The following SLC24A2 variants were observed in gnomAD, a reference collection of about 807,000 sequenced individuals.
SLC24A2 encodes the protein sodium/potassium/calcium exchanger 2.
In SLC24A2, 36 loss-of-function variants were observed where a neutral mutation model predicts 62.0. The observed-to-expected ratio is 0.58, with a 90% CI of 0.44 to 0.77. The LOEUF (loss-of-function observed/expected upper bound fraction) is 0.77, where lower values mean the gene tolerates loss of function less well. Among genes scored for constraint, SLC24A2 ranks in the 30% least tolerant of loss-of-function variants. The pLI is 0.00. For synonymous variants in SLC24A2, 358 were observed against 294.0 expected (o/e 1.22, Z -2.23); for missense variants, 846 against 817.9 (o/e 1.03, Z -0.42).
intron 2 of SLC24A2, among the ~76,000 whole-genome samples, chr9:19,682,048 T>C (rs1013307946): frequency 9.2e-5 from 14 of 152,180 alleles, no homozygotes; most frequent in Non-Finnish European, 1.5e-4. Context: ...TGATTTTACG[T>C]TGACATTTCT....
the SLC24A2 span, among the ~76,000 whole-genome samples, chr9:19,917,200 G>C: frequency 6.6e-6 from 1 of 150,848 alleles, no homozygotes; most frequent in Non-Finnish European, 1.5e-5. Flanking sequence ...GTTTTGTTTT[G>C]ATCTCACATA....
intron 8 of SLC24A2, among the ~76,000 whole-genome samples, chr9:19,529,663 A>C (rs984927839): frequency 1.4e-4 from 22 of 152,088 alleles, no homozygotes; most frequent in African/African-American, 4.6e-4. Flanking sequence ...ACAAGGACTC[A>C]GACCCCTCCT....
the SLC24A2 span, among the ~76,000 whole-genome samples, chr9:19,995,120 A>C: frequency 6.6e-6 from 1 of 151,710 alleles, no homozygotes; most frequent in Non-Finnish European, 1.5e-5. Context: ...ATTTCCCTTA[A>C]GTAGGAATAT....
chr9:19,516,114 G>C lies in SLC24A2; in HGVS notation c.*39C>G. 1 of 1,613,148 alleles carries C rather than the reference G, an allele frequency of 6.2e-7. No individual in the cohort carries two copies. Among genetic ancestry groups the C allele is most frequent in the Non-Finnish European group, 8.5e-7 (1 of 1,179,446 alleles). Reference sequence around the variant, plus strand: ...GAGCCCAGAGCCCAGAGTGTGGAGGGACCATTCATGCTGCTGGTGCAAGAT... The same window carrying C: ...GAGCCCAGAGCCCAGAGTGTGGAGGCACCATTCATGCTGCTGGTGCAAGAT... On this transcript the variant is annotated 3_prime_UTR_variant, in exon 11 of 11. Coordinates refer to ENST00000341998, the MANE Select transcript of SLC24A2 (RefSeq NM_020344.4).
At chr9:20,253,297 T>C in the SLC24A2 span, among the ~76,000 whole-genome samples, 63 of 152,326 alleles carry the variant, frequency 4.1e-4, no homozygotes, top group African/African-American at 1.3e-3. Context: ...CAGCATACTT[T>C]CCAGAGTTTT....
intron 4 of SLC24A2, among the ~76,000 whole-genome samples, chr9:19,609,697 T>C (rs1192159374): frequency 6.6e-6 from 1 of 152,136 alleles, no homozygotes; most frequent in Non-Finnish European, 1.5e-5. Flanking sequence ...TGCTTTCATG[T>C]TTAAATAATC....
the SLC24A2 span, among the ~76,000 whole-genome samples, chr9:19,960,159 A>G: frequency 1.3e-5 from 2 of 152,140 alleles, no homozygotes; most frequent in Non-Finnish European, 2.9e-5. Flanking sequence ...AAAGTAAGAA[A>G]TGCATTTTAT....
At chr9:20,293,907 T>C in the SLC24A2 span, among the ~76,000 whole-genome samples, 1 of 152,092 alleles carries the variant, frequency 6.6e-6, no homozygotes, top group Non-Finnish European at 1.5e-5. Context: ...AACCAAGTCC[T>C]CAGGCTCCAC....
intron 2 of SLC24A2, among the ~76,000 whole-genome samples, chr9:19,742,510 T>C (rs536337090): frequency 3.3e-5 from 5 of 152,164 alleles, no homozygotes; most frequent in African/African-American, 1.2e-4. Flanking sequence ...TATGTTTAAA[T>C]TTTCCTGAGA....
the SLC24A2 span, among the ~76,000 whole-genome samples, chr9:19,990,588 C>T: frequency 7.9e-5 from 11 of 138,850 alleles, no homozygotes; most frequent in East Asian, 2.1e-4. Context: ...TCCAGCCTGG[C>T]GACAGAGCAA....
chr9:20,187,005 T>G, the SLC24A2 span, among the ~76,000 whole-genome samples: 1 of 152,138 alleles, frequency 6.6e-6, no homozygotes, highest in Non-Finnish European at 1.5e-5. Flanking sequence ...GAAGATTTTT[T>G]AAAGTAATAT....
chr9:19,717,920 A>G (rs1238387002), intron 2 of SLC24A2, among the ~76,000 whole-genome samples: 7 of 151,918 alleles, frequency 4.6e-5, no homozygotes, highest in African/African-American at 1.7e-4. Context: ...ATGTGTTAAG[A>G]TCTAATCAGA....
the SLC24A2 span, among the ~76,000 whole-genome samples, chr9:19,889,754 C>T: frequency 2.0e-3 from 304 of 152,324 alleles, 2 homozygotes; most frequent in Non-Finnish European, 3.8e-3. Context: ...TGTCAAAATC[C>T]TGGATGACTT....
chr9:20,000,369 C>A, the SLC24A2 span, among the ~76,000 whole-genome samples: 1 of 152,174 alleles, frequency 6.6e-6, no homozygotes, highest in Non-Finnish European at 1.5e-5. Flanking sequence ...TTGACCTAGG[C>A]AGGTTGGATC....
the SLC24A2 span, among the ~76,000 whole-genome samples, chr9:20,188,536 A>G: frequency 1.3e-5 from 2 of 152,228 alleles, no homozygotes; most frequent in African/African-American, 4.8e-5. Flanking sequence ...ACATTTATGT[A>G]TATGGTGAAA....
At chr9:19,684,835 A>G (rs1819832981) in intron 2 of SLC24A2, among the ~76,000 whole-genome samples, 1 of 152,022 alleles carries the variant, frequency 6.6e-6, no homozygotes, top group African/African-American at 2.4e-5. Flanking sequence ...ACATGGTACT[A>G]ATATTCCTAG....
intron 8 of SLC24A2, among the ~76,000 whole-genome samples, chr9:19,530,989 C>A (rs1187158354): frequency 6.6e-6 from 1 of 152,002 alleles, no homozygotes; most frequent in Non-Finnish European, 1.5e-5. Context: ...ATATACCCCG[C>A]CATATACATA....
the SLC24A2 span, among the ~76,000 whole-genome samples, chr9:19,917,580 A>C: frequency 6.6e-6 from 1 of 151,894 alleles, no homozygotes; most frequent in African/African-American, 2.4e-5. Context: ...CATATGGATC[A>C]TGCATATAAG....
chr9:20,238,659 G>A, the SLC24A2 span, among the ~76,000 whole-genome samples: 6 of 152,334 alleles, frequency 3.9e-5, no homozygotes, highest in African/African-American at 1.4e-4. Context: ...AGCACTGTGA[G>A]GGGCCTTGTT....
Sources: allele counts gnomAD v4.1 joint callset (sites outside exome capture counted in the v4.1 genomes callset), GRCh38; gene constraint gnomAD v4.1.1; transcripts MANE v1.5; gene names NCBI Gene and HGNC (gene_info 2026-07-23, HGNC 2026-07-21).